Variants in TMEM45B observed in about 807,000 individuals in gnomAD.
The protein encoded by TMEM45B is transmembrane protein 45B.
TMEM45B carries 29 observed loss-of-function variants against 27.3 expected under a neutral mutation model. The observed-to-expected ratio is 1.06, with a 90% CI of 0.79 to 1.45. The LOEUF is 1.45. Ranked by LOEUF, TMEM45B falls within the 40% of genes most tolerant of loss-of-function variation. The probability of loss-of-function intolerance (pLI) is 0.00; values close to 1 mark genes in which losing one functional copy is unlikely to be tolerated. For synonymous variants in TMEM45B, 143 were observed against 134.7 expected (o/e 1.06, Z -0.43); for missense variants, 348 against 343.9 (o/e 1.01, Z -0.09).
chr11:129,824,146 G>A (rs562772967), intron 1 of TMEM45B, among the ~76,000 whole-genome samples: 15 of 152,144 alleles, frequency 9.9e-5, no homozygotes, highest in South Asian at 6.2e-4. Flanking sequence ...CTCCTGCTTC[G>A]GTCTCACTGG....
chr11:129,854,679 A>G lies in TMEM45B; in HGVS notation c.248A>G (p.Lys83Arg). 1 of 1,614,228 alleles carries G rather than the reference A, an allele frequency of 6.2e-7. No homozygotes were observed. Among genetic ancestry groups the G allele is most frequent in the Non-Finnish European group, 8.5e-7 (1 of 1,180,042 alleles). ...CTCTACCATGAGAACCACTGGATAA[A>G]GTTAATGAATTGGCAGCACAGCACC... is the stretch of plus-strand genomic sequence containing the variant. ...LHLYHENHWI[K>R]LMNWQHSTMY... The change falls in exon 3 of 6, where the codon AAG (lysine) becomes AGG (arginine). Residue 83 changes from lysine (K) to arginine (R), a missense_variant. By Grantham distance (26) the Lys-to-Arg change is conservative (BLOSUM62 2). Transcript: ENST00000281441.
In TMEM45B at chr11:129,834,684, A is replaced by C. The variant is rs185668672; in HGVS notation, c.-8-17791A>C. On this transcript the variant is annotated intron_variant, in intron 1 of 5. Coordinates refer to ENST00000281441, the MANE Select transcript of TMEM45B (RefSeq NM_138788.5). The stretch of plus-strand genomic sequence containing the variant: ...AAATTAGCCAGGTGTGGTGGCATGC[A>C]CCTGTAGTCCCGGCTACTCGGGGAG... 1.4e-3 allele frequency among the ~76,000 whole-genome samples: 214 copies of C among 151,334 alleles called. 1 individual carries two copies. The highest frequency in any genetic ancestry group is 4.8e-3 in the African/African-American group (198 of 41,236).
chr11:129,840,946 T>TAAAAAAAAAAAA (rs55905045), intron 1 of TMEM45B, among the ~76,000 whole-genome samples: 564 of 29,138 alleles, frequency 0.019, 36 homozygotes, highest in Middle Eastern at 0.059. Flanking sequence ...TTTCTTTCTG[T>TAAAAAAAAAAAA]AAAAAAAAAA....
intron 1 of TMEM45B, among the ~76,000 whole-genome samples, chr11:129,819,345 A>C (rs1947390073): frequency 6.6e-6 from 1 of 152,202 alleles, no homozygotes. Context: ...GAGAACGAGA[A>C]GTCTGGAGGT....
chr11:129,817,312 C>T (rs1321135298), intron 1 of TMEM45B, among the ~76,000 whole-genome samples: 1 of 152,140 alleles, frequency 6.6e-6, no homozygotes, highest in Middle Eastern at 3.2e-3. Flanking sequence ...AATCAGGACA[C>T]GTGGTTAGGT....
At chr11:129,837,290 CTTT>C (rs1000400474) in intron 1 of TMEM45B, among the ~76,000 whole-genome samples, 1 of 151,032 alleles carries the variant, frequency 6.6e-6, no homozygotes, top group African/African-American at 2.4e-5. Flanking sequence ...TCTTTTTTTT[CTTT>C]TTTTTGTTTT....
intron 2 of TMEM45B, among the ~76,000 whole-genome samples, chr11:129,853,845 A>G (rs1947883274): frequency 6.6e-6 from 1 of 152,224 alleles, no homozygotes; most frequent in African/African-American, 2.4e-5. Context: ...CCAAAATGTC[A>G]TCATGGAGGA....
Position 129,858,740 on chromosome 11 carries a change from C to G in TMEM45B, c.*55C>G. ...CTGCACAGCTGGAATGAATGGAGTTCATCCCCTCCACCTGAATGCCTGCTG... is the reference window on the plus strand; with the variant it reads ...CTGCACAGCTGGAATGAATGGAGTTGATCCCCTCCACCTGAATGCCTGCTG... On this transcript the variant is annotated 3_prime_UTR_variant, in exon 6 of 6. Transcript: ENST00000281441. The G allele has an allele frequency of 7.5e-7, 1 of 1,324,638 alleles. No homozygotes were observed. The highest frequency in any genetic ancestry group is 1.3e-5 in the South Asian group (1 of 77,924). The allele number at this position is 1,324,638 out of a possible 1,614,324, so 82.1% of individuals were successfully genotyped here. A position where few individuals can be genotyped will look rare whatever the true frequency, so the allele number is the denominator to read the frequency against.
At chr11:129,830,710 T>C (rs1947537158) in intron 1 of TMEM45B, among the ~76,000 whole-genome samples, 1 of 152,226 alleles carries the variant, frequency 6.6e-6, no homozygotes, top group African/African-American at 2.4e-5. Flanking sequence ...CATGAAAAGA[T>C]GCTCAACATC....
At chr11:129,819,356 G>A (rs1268716243) in intron 1 of TMEM45B, among the ~76,000 whole-genome samples, 1 of 152,182 alleles carries the variant, frequency 6.6e-6, no homozygotes, top group African/African-American at 2.4e-5. Context: ...GTCTGGAGGT[G>A]AGAAGGCTGG....
chr11:129,839,056 C>T (rs1230611557), intron 1 of TMEM45B, among the ~76,000 whole-genome samples: 2 of 152,198 alleles, frequency 1.3e-5, no homozygotes, highest in Admixed American at 1.3e-4. Context: ...CTTACTCTTG[C>T]CTCCATTTTC....
intron 1 of TMEM45B, among the ~76,000 whole-genome samples, chr11:129,823,325 C>T (rs1057056812): frequency 5.9e-5 from 9 of 152,074 alleles, no homozygotes; most frequent in Non-Finnish European, 1.0e-4. Context: ...ACAGATACTA[C>T]GTTTGATAGG....
intron 1 of TMEM45B, among the ~76,000 whole-genome samples, chr11:129,817,089 G>A (rs771402740): frequency 2.6e-5 from 4 of 152,008 alleles, no homozygotes; most frequent in Non-Finnish European, 5.9e-5. Context: ...CGCTTTCTGC[G>A]GTGTCTGCCC....
At chr11:129,834,551 CG>C (rs1947595640) in intron 1 of TMEM45B, among the ~76,000 whole-genome samples, 1 of 152,058 alleles carries the variant, frequency 6.6e-6, no homozygotes, top group Non-Finnish European at 1.5e-5. Context: ...TGGCTCACGC[CG>C]GTAGTCCCAG....
At chr11:129,839,121 C>G (rs1947659397) in intron 1 of TMEM45B, among the ~76,000 whole-genome samples, 1 of 152,010 alleles carries the variant, frequency 6.6e-6, no homozygotes, top group Non-Finnish European at 1.5e-5. Flanking sequence ...AATGAGAGAG[C>G]GAGAGAAGGA....
intron 1 of TMEM45B, among the ~76,000 whole-genome samples, chr11:129,820,175 C>T (rs1947401701): frequency 6.6e-6 from 1 of 151,948 alleles, no homozygotes; most frequent in African/African-American, 2.4e-5. Flanking sequence ...ATCAGCCGGG[C>T]GTGCTAGCAG....
At position 129,847,548 on chromosome 11, in the gene TMEM45B, G is replaced by T. The variant is rs1215164094; in HGVS notation, c.-8-4927G>T. Reference sequence around the variant, plus strand: ...TCTCTGGTTTTCCTAGGCAGAGTGTGTGTGTCCCTGGGTACTTGAGATTAG... The same window carrying T: ...TCTCTGGTTTTCCTAGGCAGAGTGTTTGTGTCCCTGGGTACTTGAGATTAG... On this transcript the variant is annotated intron_variant, in intron 1 of 5. Coordinates refer to ENST00000281441, the MANE Select transcript of TMEM45B (RefSeq NM_138788.5). Among the ~76,000 whole-genome samples, 793 of 150,570 alleles carry T rather than the reference G, an allele frequency of 5.3e-3. 12 individuals are homozygous for T. The highest frequency in any genetic ancestry group is 0.018 in the African/African-American group (744 of 40,504).
At chr11:129,854,938 C>T in intron 3 of TMEM45B, 122 bp downstream of exon 3, 1 of 1,202,168 alleles carries the variant, frequency 8.3e-7, no homozygotes, top group Non-Finnish European at 1.2e-6. Context: ...ATCCACATCT[C>T]TGGACTGCCA....
At chr11:129,848,332 G>A (rs966535596) in intron 1 of TMEM45B, among the ~76,000 whole-genome samples, 5 of 150,870 alleles carry the variant, frequency 3.3e-5, no homozygotes, top group Admixed American at 6.6e-5. Context: ...CCAACACAGC[G>A]AAACCCCGTC....
Sources: allele counts gnomAD v4.1 joint callset (sites outside exome capture counted in the v4.1 genomes callset), GRCh38; gene constraint gnomAD v4.1.1; transcripts MANE v1.5; gene names NCBI Gene and HGNC (gene_info 2026-07-23, HGNC 2026-07-21).